Variants in KIAA1328 observed in about 807,000 individuals in gnomAD.
KIAA1328 encodes protein hinderin.
In KIAA1328, 52 loss-of-function variants were observed where a neutral mutation model predicts 68.1. The observed-to-expected ratio is 0.76, with a 90% CI of 0.61 to 0.96. KIAA1328 has a LOEUF of 0.96. Among genes scored for constraint, KIAA1328 ranks in the 40% least tolerant of loss-of-function variants. The pLI is 0.00. For synonymous variants in KIAA1328, 232 were observed against 239.4 expected (o/e 0.97, Z 0.28); for missense variants, 641 against 677.6 (o/e 0.95, Z 0.60).
At chr18:36,923,464 CT>C (rs1456861364) in intron 5 of KIAA1328, among the ~76,000 whole-genome samples, 1 of 152,042 alleles carries the variant, frequency 6.6e-6, no homozygotes, top group Non-Finnish European at 1.5e-5. Context: ...TGACAGAGGT[CT>C]CATCTCTACA....
At chr18:36,980,341 C>T (rs1195087753) in intron 6 of KIAA1328, among the ~76,000 whole-genome samples, 1 of 152,146 alleles carries the variant, frequency 6.6e-6, no homozygotes, top group African/African-American at 2.4e-5. Context: ...ACCTAGTTCC[C>T]TTCCCACAAG....
intron 5 of KIAA1328, among the ~76,000 whole-genome samples, chr18:36,888,901 G>A (rs1416197801): frequency 6.6e-6 from 1 of 152,108 alleles, no homozygotes; most frequent in East Asian, 1.9e-4. Flanking sequence ...ATCTGTTTCT[G>A]TGTGAGAAAC....
chr18:36,963,989 A>T (rs2051808979), intron 6 of KIAA1328, among the ~76,000 whole-genome samples: 1 of 152,210 alleles, frequency 6.6e-6, no homozygotes, highest in South Asian at 2.1e-4. Flanking sequence ...TCAATGAAAT[A>T]AGGTAGGTTA....
chr18:37,072,873 G>C (rs1214940551), intron 7 of KIAA1328, among the ~76,000 whole-genome samples: 1 of 152,050 alleles, frequency 6.6e-6, no homozygotes, highest in East Asian at 1.9e-4. Context: ...TGCGGTATTT[G>C]ATTTTCTGTT....
chr18:37,098,385 T>G (rs1364875430), intron 7 of KIAA1328, among the ~76,000 whole-genome samples: 1 of 152,246 alleles, frequency 6.6e-6, no homozygotes, highest in Non-Finnish European at 1.5e-5. Flanking sequence ...TTTATTGATT[T>G]GTGTATGTTG....
intron 5 of KIAA1328, among the ~76,000 whole-genome samples, chr18:36,886,609 T>C (rs112944209): frequency 4.7e-4 from 71 of 152,250 alleles, no homozygotes; most frequent in African/African-American, 1.7e-3. Flanking sequence ...TTCTGAATTT[T>C]CTTTTGAATA....
At chr18:37,214,088 AT>A (rs539911253) in intron 9 of KIAA1328, among the ~76,000 whole-genome samples, 3 of 152,238 alleles carry the variant, frequency 2.0e-5, no homozygotes, top group South Asian at 4.2e-4. Context: ...ATTTTCTCCC[AT>A]TCTGTAGGTT....
chr18:37,116,319 AC>A (rs1170840888), intron 7 of KIAA1328, among the ~76,000 whole-genome samples: 1 of 152,200 alleles, frequency 6.6e-6, no homozygotes, highest in Non-Finnish European at 1.5e-5. Flanking sequence ...AGAGATACAG[AC>A]CAATGGAACA....
chr18:36,935,425 C>T (rs563499847), intron 5 of KIAA1328, among the ~76,000 whole-genome samples: 181 of 152,276 alleles, frequency 1.2e-3, no homozygotes, highest in South Asian at 5.8e-3. Context: ...GGCATTTTCC[C>T]CTGTCTGGTT....
intron 6 of KIAA1328, among the ~76,000 whole-genome samples, chr18:36,991,543 T>G (rs2053177391): frequency 6.6e-6 from 1 of 152,236 alleles, no homozygotes; most frequent in Admixed American, 6.5e-5. Context: ...TTTTCATCTT[T>G]CAGATTTTTG....
chr18:37,191,567 G>A (rs1351475275), intron 9 of KIAA1328, among the ~76,000 whole-genome samples: 1 of 152,176 alleles, frequency 6.6e-6, no homozygotes, highest in Non-Finnish European at 1.5e-5. Context: ...TTCACTCACA[G>A]TCTTCCATTT....
At chr18:36,855,562 A>G (rs2047355413) in intron 4 of KIAA1328, among the ~76,000 whole-genome samples, 1 of 150,494 alleles carries the variant, frequency 6.6e-6, no homozygotes, top group Admixed American at 6.7e-5. Context: ...TTATCAGATT[A>G]TATGACTTAC....
At chr18:36,854,425 T>C (rs748037827) in intron 4 of KIAA1328, among the ~76,000 whole-genome samples, 5 of 152,212 alleles carry the variant, frequency 3.3e-5, no homozygotes, top group Non-Finnish European at 5.9e-5. Context: ...TAAAAGAAGT[T>C]CCATATCAAA....
chr18:37,047,478 C>A (rs915812679), intron 6 of KIAA1328, among the ~76,000 whole-genome samples: 6 of 152,114 alleles, frequency 3.9e-5, no homozygotes, highest in African/African-American at 1.4e-4. Flanking sequence ...CATCTATTTG[C>A]CATTGCCCTG....
intron 5 of KIAA1328, among the ~76,000 whole-genome samples, chr18:36,944,775 G>A (rs900517127): frequency 2.6e-5 from 4 of 152,188 alleles, no homozygotes; most frequent in African/African-American, 9.7e-5. Context: ...GAAGAAGGAA[G>A]TGACCAGCAA....
chr18:37,078,922 C>G (rs1229921810), intron 7 of KIAA1328, among the ~76,000 whole-genome samples: 1 of 151,798 alleles, frequency 6.6e-6, no homozygotes, highest in African/African-American at 2.4e-5. Context: ...GTCAGTGTGG[C>G]GATTCCTCAG....
chr18:36,984,737 C>G (rs1568253103), intron 6 of KIAA1328, among the ~76,000 whole-genome samples: 1 of 151,872 alleles, frequency 6.6e-6, no homozygotes, highest in Admixed American at 6.6e-5. Context: ...GAAACCCCAT[C>G]TCTACTAAAA....
intron 5 of KIAA1328, among the ~76,000 whole-genome samples, chr18:36,906,295 A>G (rs1000748366): frequency 2.0e-5 from 3 of 152,182 alleles, no homozygotes; most frequent in African/African-American, 7.2e-5. Context: ...ATACAGTATC[A>G]TACAGAACTA....
chr18:37,108,109 CAT>C (rs2057825360), intron 7 of KIAA1328, among the ~76,000 whole-genome samples: 1 of 152,084 alleles, frequency 6.6e-6, no homozygotes, highest in Non-Finnish European at 1.5e-5. Flanking sequence ...ATAGCAAAGA[CAT>C]AGAATGAACC....
Sources: allele counts gnomAD v4.1 joint callset (sites outside exome capture counted in the v4.1 genomes callset), GRCh38; gene constraint gnomAD v4.1.1; transcripts MANE v1.5; gene names NCBI Gene and HGNC (gene_info 2026-07-23, HGNC 2026-07-21).